Variants in M1AP observed in about 807,000 individuals in gnomAD.
The protein encoded by M1AP is meiosis 1 arrest protein.
A neutral mutation model predicts 51.2 loss-of-function variants in M1AP; 39 were observed. The ratio of observed to expected loss-of-function variants is 0.76; its 90% confidence interval spans 0.59 to 1.00. The LOEUF (loss-of-function observed/expected upper bound fraction) is 1.00. M1AP is among the 50% of genes least tolerant of loss of function. The pLI is 0.00. For synonymous variants in M1AP, 251 were observed against 249.2 expected (o/e 1.01, Z -0.07); for missense variants, 545 against 641.2 (o/e 0.85, Z 1.62).
At chr2:74,625,787 C>T (rs1682346466) in intron 2 of M1AP, among the ~76,000 whole-genome samples, 1 of 152,214 alleles carries the variant, frequency 6.6e-6, no homozygotes, top group Admixed American at 6.5e-5. Context: ...CGCCTTTCTG[C>T]AGCCCTTTCA....
rs186463807 is a variant in M1AP, at chr2:74,581,350, C to T, written c.769+324G>A. 1.4e-3 allele frequency among the ~76,000 whole-genome samples: 213 copies of T among 152,298 alleles called. 3 individuals are homozygous for T. The highest frequency in any genetic ancestry group is 2.3e-3 in the Non-Finnish European group (159 of 68,012). On this transcript the variant is annotated intron_variant, in intron 5 of 10. Transcript: ENST00000421985. The stretch of plus-strand genomic sequence containing the variant: ...ACTATAATGTCAATTATATTTACCA[C>T]ATTAAAAATGAGAATATTGAGAAAT...
chr2:74,630,674 A>G (rs1682653617), intron 2 of M1AP, among the ~76,000 whole-genome samples: 1 of 151,756 alleles, frequency 6.6e-6, no homozygotes, highest in Non-Finnish European at 1.5e-5. Context: ...ATTCCTTTTT[A>G]TGGCTGCATA....
chr2:74,573,416 G>T (rs574640727), intron 7 of M1AP, among the ~76,000 whole-genome samples: 1 of 151,972 alleles, frequency 6.6e-6, no homozygotes. Flanking sequence ...GCAGTGGTGC[G>T]ATCTTGGCTC....
chr2:74,588,817 C>CAG (rs928812512), intron 4 of M1AP, among the ~76,000 whole-genome samples: 12 of 152,286 alleles, frequency 7.9e-5, no homozygotes, highest in Middle Eastern at 3.4e-3. Flanking sequence ...GAACTCTTCT[C>CAG]AGAGAGAGAG....
intron 4 of M1AP, among the ~76,000 whole-genome samples, chr2:74,591,006 T>A (rs190552401): frequency 2.4e-4 from 36 of 152,298 alleles, no homozygotes; most frequent in African/African-American, 8.2e-4. Flanking sequence ...AATTTCTCCA[T>A]TTGTAAAGTG....
At chr2:74,604,481 C>T (rs1680853635) in intron 4 of M1AP, among the ~76,000 whole-genome samples, 1 of 152,176 alleles carries the variant, frequency 6.6e-6, no homozygotes, top group East Asian at 1.9e-4. Context: ...CAATCTAGAT[C>T]CCTCACATGC....
At chr2:74,621,245 G>A (rs1363089334) in intron 2 of M1AP, among the ~76,000 whole-genome samples, 5 of 151,870 alleles carry the variant, frequency 3.3e-5, no homozygotes, top group Non-Finnish European at 1.5e-5. Flanking sequence ...TCGCGCCACT[G>A]CACTCCAGCC....
intron 4 of M1AP, among the ~76,000 whole-genome samples, chr2:74,594,554 A>C (rs1680219662): frequency 1.3e-5 from 2 of 152,304 alleles, no homozygotes; most frequent in Non-Finnish European, 1.5e-5. Flanking sequence ...AAAAAATGGC[A>C]GAAAATTTCC....
chr2:74,605,392 T>A (rs1462008003), intron 4 of M1AP, among the ~76,000 whole-genome samples: 1 of 152,186 alleles, frequency 6.6e-6, no homozygotes, highest in African/African-American at 2.4e-5. Context: ...TAAAACTTTT[T>A]CCTTTTCCTT....
chr2:74,588,826 A>T (rs931354909), intron 4 of M1AP, among the ~76,000 whole-genome samples: 4 of 152,240 alleles, frequency 2.6e-5, no homozygotes, highest in Non-Finnish European at 5.9e-5. Flanking sequence ...TCAGAGAGAG[A>T]GAACTGTTGT....
intron 4 of M1AP, among the ~76,000 whole-genome samples, chr2:74,591,891 T>C (rs1680060675): frequency 6.6e-6 from 1 of 152,166 alleles, no homozygotes; most frequent in Admixed American, 6.5e-5. Flanking sequence ...GTTCAAGTGA[T>C]TGTCCTGCCT....
intron 4 of M1AP, among the ~76,000 whole-genome samples, chr2:74,600,806 G>A (rs912472769): frequency 6.6e-6 from 1 of 152,154 alleles, no homozygotes; most frequent in African/African-American, 2.4e-5. Flanking sequence ...AAACATGAGT[G>A]AACAACTGAG....
At chr2:74,562,193 C>G in intron 8 of M1AP, 24 bp downstream of exon 8, 1 of 1,589,062 alleles carries the variant, frequency 6.3e-7, no homozygotes, top group East Asian at 2.2e-5. Context: ...TAGATCTGTC[C>G]CATGAGATCT....
At position 74,610,664 on chromosome 2, in the gene M1AP, C is replaced by G. The variant is rs561765562; in HGVS notation, c.427-3441G>C. 1.2e-3 allele frequency among the ~76,000 whole-genome samples: 175 copies of G among 152,096 alleles called. 3 individuals are homozygous for G. The highest frequency in any genetic ancestry group is 1.6e-3 in the Non-Finnish European group (112 of 67,976). On this transcript the variant is annotated intron_variant, in intron 3 of 10. Coordinates refer to ENST00000421985, the MANE Select transcript of M1AP (RefSeq NM_001321739.2). The stretch of plus-strand genomic sequence containing the variant: ...AGTGGCAGGGTCTCACTATGTTGTC[C>G]AGGCCAGTCTTGATCCTCAAGTGAT...
intron 4 of M1AP, among the ~76,000 whole-genome samples, chr2:74,590,075 T>C (rs113560213): frequency 0.029 from 4,449 of 152,304 alleles, 84 homozygotes; most frequent in Non-Finnish European, 0.042. Context: ...ACAAACTTGA[T>C]TTACATAATT....
At chr2:74,572,834 A>G (rs1424836412) in intron 7 of M1AP, among the ~76,000 whole-genome samples, 1 of 152,232 alleles carries the variant, frequency 6.6e-6, no homozygotes, top group Non-Finnish European at 1.5e-5. Flanking sequence ...CAGGTCAACT[A>G]CATCCCTGCC....
At chr2:74,633,235 A>T (rs180973240) in intron 2 of M1AP, among the ~76,000 whole-genome samples, 2 of 152,294 alleles carry the variant, frequency 1.3e-5, no homozygotes, top group Non-Finnish European at 2.9e-5. Flanking sequence ...TTCTGAAGGC[A>T]ACATGATTCT....
chr2:74,561,091 A>AAGGAGGAGGAGGAGGAGG (rs1677910269), intron 8 of M1AP, among the ~76,000 whole-genome samples: 1 of 47,900 alleles, frequency 2.1e-5, no homozygotes, highest in Admixed American at 2.5e-4. Flanking sequence ...GGAGGAGGAG[A>AAGGAGGAGGAGGAGGAGG]AGGAGAAGGA....
At chr2:74,576,284 A>G (rs1050371251) in intron 6 of M1AP, among the ~76,000 whole-genome samples, 172 bp downstream of exon 6, 1 of 152,210 alleles carries the variant, frequency 6.6e-6, no homozygotes, top group Non-Finnish European at 1.5e-5. Context: ...TTTGGCCTCC[A>G]CATGCTGAGT....
Sources: allele counts gnomAD v4.1 joint callset (sites outside exome capture counted in the v4.1 genomes callset), GRCh38; gene constraint gnomAD v4.1.1; transcripts MANE v1.5; gene names NCBI Gene and HGNC (gene_info 2026-07-23, HGNC 2026-07-21).